The following AP1B1 variants were observed in gnomAD, a reference collection of about 807,000 sequenced individuals.
AP1B1 encodes the protein AP-1 complex subunit beta-1.
In AP1B1, 36 loss-of-function variants were observed where a neutral mutation model predicts 104.3. The ratio of observed to expected loss-of-function variants is 0.35; its 90% confidence interval spans 0.26 to 0.46. The LOEUF (loss-of-function observed/expected upper bound fraction) is 0.46. Among genes scored for constraint, AP1B1 ranks in the 20% least tolerant of loss-of-function variants. The pLI is 1.00. For missense variants in AP1B1, 901 were observed against 1,247.9 expected, an observed-to-expected ratio of 0.72 and a Z score of 4.19; for synonymous variants, 504 against 517.5, an observed-to-expected ratio of 0.97 and a Z score of 0.35.
chr22:29,360,616 C>T (rs1042739811), intron 3 of AP1B1, among the ~76,000 whole-genome samples: 9 of 152,170 alleles, frequency 5.9e-5, no homozygotes, highest in Admixed American at 4.6e-4. Context: ...CATGCTTGAT[C>T]TCATTTAACT....
At chr22:29,366,961 T>A (rs1041818540) in intron 2 of AP1B1, among the ~76,000 whole-genome samples, 2 of 151,562 alleles carry the variant, frequency 1.3e-5, no homozygotes, top group Non-Finnish European at 2.9e-5. Context: ...CCATGGGAAA[T>A]AAAAGGGCAC....
At position 29,350,103 on chromosome 22, in the gene AP1B1, G is replaced by A. The variant is rs1426406808; in HGVS notation, c.1203C>T (p.Thr401=). The A allele has an allele frequency of 6.2e-7, 1 of 1,614,208 alleles. No homozygotes were observed. ...CCTCCTGGACCACATAGTTGACCTT[G>A]GTCTGGATGAGGTCGAGCAGCGTGC... ...CVSTLLDLIQ[T]KVNYVVQEAI... Residue 401 remains threonine (T), a synonymous_variant, in exon 10 of 23, where the codon ACC becomes ACT. Coordinates refer to ENST00000357586, the MANE Select transcript of AP1B1 (RefSeq NM_001127.4).
intron 7 of AP1B1, among the ~76,000 whole-genome samples, chr22:29,353,553 C>CA (rs2061910085): frequency 6.6e-6 from 1 of 152,214 alleles, no homozygotes; most frequent in African/African-American, 2.4e-5. Flanking sequence ...ACCCACACTG[C>CA]AACCAGGAAG....
Position 29,330,375 on chromosome 22 carries a change from C to G in AP1B1, c.2766+3G>C. The G allele has an allele frequency of 6.2e-7, 1 of 1,613,130 alleles. No homozygotes were observed. Among genetic ancestry groups the G allele is most frequent in the Non-Finnish European group, 8.5e-7 (1 of 1,179,762 alleles). ...GCTGCAGGGCGGGTGCCGGGGCTCT[C>G]ACCGTGCAGCTGGGGTTGCCCGGCT... On this transcript the variant is annotated splice_donor_region_variant and intron_variant, in intron 21 of 22. Coordinates refer to ENST00000357586, the MANE Select transcript of AP1B1 (RefSeq NM_001127.4).
At chr22:29,335,351 G>C (rs531434829) in intron 16 of AP1B1, among the ~76,000 whole-genome samples, 39 of 152,084 alleles carry the variant, frequency 2.6e-4, no homozygotes, top group African/African-American at 9.4e-4. Context: ...TGCCAACAAA[G>C]GTCCCACTGT....
chr22:29,341,770 G>A lies in AP1B1; in HGVS notation c.1537-10C>T, dbSNP rs1434296909. 2 of 1,597,546 alleles carry A rather than the reference G, an allele frequency of 1.3e-6. No homozygotes were observed. The highest frequency in any genetic ancestry group is 1.7e-5 in the Admixed American group (1 of 59,268). ...CTGGGTTATCTGAGTCCTTGTGGGG[G>A]TGAGGAGAAGCCCATGAAACTCAGA... On this transcript the variant is annotated splice_polypyrimidine_tract_variant and intron_variant, in intron 12 of 22. Coordinates refer to ENST00000357586, the MANE Select transcript of AP1B1 (RefSeq NM_001127.4).
intron 1 of AP1B1, among the ~76,000 whole-genome samples, chr22:29,386,122 A>G (rs2062518334): frequency 6.6e-6 from 1 of 152,208 alleles, no homozygotes; most frequent in African/African-American, 2.4e-5. Flanking sequence ...CAAAGCACCC[A>G]AAAATCACAG....
chr22:29,380,634 A>G (rs1360430085), intron 1 of AP1B1, among the ~76,000 whole-genome samples: 4 of 152,058 alleles, frequency 2.6e-5, no homozygotes, highest in Non-Finnish European at 5.9e-5. Flanking sequence ...TCTCCTTTAA[A>G]TCTATCGGCA....
chr22:29,339,763 C>T lies in AP1B1; in HGVS notation c.2010G>A (p.Glu670=). 6.2e-7 allele frequency: 1 copy of T among 1,608,884 alleles called. No individual in the cohort carries two copies. Among genetic ancestry groups the T allele is most frequent in the Non-Finnish European group, 8.5e-7 (1 of 1,177,808 alleles). Residue 670 remains glutamate (E), a synonymous_variant, in exon 15 of 23, where the codon GAG becomes GAA. Coordinates refer to ENST00000357586, the MANE Select transcript of AP1B1 (RefSeq NM_001127.4). Reference sequence around the variant, plus strand: ...AAGGGTTGAACCATACCCCTTCAGGCTCATCCCCCATCTCCAAGCAGAAGC... The same window carrying T: ...AAGGGTTGAACCATACCCCTTCAGGTTCATCCCCCATCTCCAAGCAGAAGC... The part of the protein sequence containing the change: ...GGGLDSLMGD[E]PEGIGGTNFV...
chr22:29,339,747 A>T lies in AP1B1; in HGVS notation c.2019+7T>A. ...GAAGGCTTGGTGACGCAAGGGTTGA[A>T]CCATACCCCTTCAGGCTCATCCCCC... On this transcript the variant is annotated splice_region_variant and intron_variant, in intron 15 of 22. Coordinates refer to ENST00000357586, the MANE Select transcript of AP1B1 (RefSeq NM_001127.4). The T allele has an allele frequency of 6.2e-7, 1 of 1,609,464 alleles. No individual in the cohort carries two copies. The highest frequency in any genetic ancestry group is 8.5e-7 in the Non-Finnish European group (1 of 1,178,046).
intron 21 of AP1B1, 61 bp downstream of exon 21, chr22:29,330,316 AC>A (rs775508845): frequency 6.2e-7 from 1 of 1,602,142 alleles, no homozygotes. Context: ...CACCAGGGCC[AC>A]CCCCTGGCAT....
intron 1 of AP1B1, among the ~76,000 whole-genome samples, chr22:29,374,668 G>A (rs1055132584): frequency 2.0e-5 from 3 of 152,178 alleles, no homozygotes; most frequent in Non-Finnish European, 4.4e-5. Context: ...CTCATTTGAG[G>A]CTAGTGATAG....
Position 29,352,959 on chromosome 22 carries a change from G to A in AP1B1, c.939-1134C>T, listed in dbSNP as rs117965034. ...CGCTAGGCAGGAGCTGTCACTAGCT[G>A]AGCCCTTTCACATGTGTCATTGTTC... On this transcript the variant is annotated intron_variant, in intron 7 of 22. Coordinates refer to ENST00000357586, the MANE Select transcript of AP1B1 (RefSeq NM_001127.4). Among the ~76,000 whole-genome samples, 1,136 of 152,228 alleles carry A rather than the reference G, an allele frequency of 7.5e-3. 7 individuals are homozygous for A. The highest frequency in any genetic ancestry group is 0.014 in the Middle Eastern group (4 of 294).
chr22:29,351,499 A>G (rs772411672), intron 8 of AP1B1: 3 of 836,012 alleles, frequency 3.6e-6, no homozygotes, highest in Admixed American at 2.9e-5. Flanking sequence ...GTAAGGGATG[A>G]CAGGTGATAA....
intron 17 of AP1B1, chr22:29,332,135 T>C (rs2061571166): frequency 2.0e-6 from 1 of 499,190 alleles, no homozygotes; most frequent in Non-Finnish European, 3.5e-6. Context: ...CCAATTGCTC[T>C]GCTCTGCCCC....
At chr22:29,377,640 T>G (rs1360161667) in intron 1 of AP1B1, among the ~76,000 whole-genome samples, 5 of 151,924 alleles carry the variant, frequency 3.3e-5, no homozygotes, top group Non-Finnish European at 2.9e-5. Flanking sequence ...GAAACCTGTC[T>G]CTACTAAACA....
chr22:29,363,889 T>C (rs1372649477), intron 2 of AP1B1, among the ~76,000 whole-genome samples: 6 of 151,704 alleles, frequency 4.0e-5, no homozygotes, highest in Non-Finnish European at 8.8e-5. Flanking sequence ...AGTGAGATCC[T>C]GTCTCCAAAA....
chr22:29,374,617 A>G (rs2062303502), intron 1 of AP1B1, among the ~76,000 whole-genome samples: 1 of 152,236 alleles, frequency 6.6e-6, no homozygotes, highest in Non-Finnish European at 1.5e-5. Context: ...CAAGAGTCTA[A>G]TAACACCCCA....
At chr22:29,346,109 A>C (rs2061788825) in intron 11 of AP1B1, among the ~76,000 whole-genome samples, 2 of 152,234 alleles carry the variant, frequency 1.3e-5, no homozygotes, top group African/African-American at 2.4e-5. Context: ...CAATAACTGC[A>C]CTAGAGACAA....
Sources: gnomAD v4.1 joint callset for allele counts (sites outside exome capture counted in the v4.1 genomes callset) on GRCh38, gnomAD v4.1.1 for gene constraint, MANE v1.5 for transcripts, NCBI Gene and HGNC (gene_info 2026-07-23, HGNC 2026-07-21) for gene names.